The following KCNG3 variants were observed in gnomAD, a reference collection of about 807,000 sequenced individuals.
KCNG3 encodes the protein potassium voltage-gated channel modifier subfamily G member 3.
Under a neutral mutation model 29.0 loss-of-function variants are expected in KCNG3, and 15 were observed. The observed-to-expected ratio is 0.52, with a 90% confidence interval of 0.35 to 0.80. The LOEUF is 0.80. Among genes scored for constraint, KCNG3 ranks in the 30% least tolerant of loss-of-function variants. The pLI, the probability that KCNG3 is intolerant of heterozygous loss-of-function variation, is 0.01. For synonymous variants in KCNG3, 322 were observed against 248.9 expected, an observed-to-expected ratio of 1.29 and a Z score of -2.76; for missense variants, 512 against 605.7, an observed-to-expected ratio of 0.85 and a Z score of 1.62.
the KCNG3 span, among the ~76,000 whole-genome samples, chr2:42,397,564 T>A: frequency 2.6e-3 from 394 of 152,328 alleles, 2 homozygotes; most frequent in African/African-American, 9.0e-3. Flanking sequence ...AAGAGGCTTA[T>A]AAGGACTGAA....
intron 1 of KCNG3, among the ~76,000 whole-genome samples, chr2:42,453,197 G>A (rs1672804486): frequency 6.6e-6 from 1 of 152,196 alleles, no homozygotes; most frequent in Admixed American, 6.5e-5. Context: ...TTTCCTTTCT[G>A]TTGGGTATAC....
At position 42,479,799 on chromosome 2, in the gene KCNG3, C is replaced by T. The variant is rs528412328; in HGVS notation, c.665+13038G>A. ...GCCAAGGCGGGCAAATCACTTGAGG[C>T]CAGGAGTTCAAGACCTGCCTGGGCA... is the stretch of plus-strand genomic sequence containing the variant. On this transcript the variant is annotated intron_variant, in intron 1 of 1. Transcript: ENST00000306078. Among the ~76,000 whole-genome samples the T allele has an allele frequency of 2.6e-5, 4 of 152,222 alleles. No homozygotes were observed. The East Asian group carries it at 5.8e-4, about 22-fold the overall frequency.
At chr2:42,451,315 C>G (rs941350296) in intron 1 of KCNG3, among the ~76,000 whole-genome samples, 1 of 151,286 alleles carries the variant, frequency 6.6e-6, no homozygotes, top group African/African-American at 2.4e-5. Context: ...CAGTGACACA[C>G]ACCTGTAATC....
intron 1 of KCNG3, among the ~76,000 whole-genome samples, chr2:42,467,948 G>A (rs1217091051): frequency 6.6e-6 from 1 of 151,008 alleles, no homozygotes; most frequent in African/African-American, 2.4e-5. Context: ...ATCAGCCTGG[G>A]TGACAGAATG....
At chr2:42,480,378 T>C (rs1673551662) in intron 1 of KCNG3, among the ~76,000 whole-genome samples, 1 of 152,090 alleles carries the variant, frequency 6.6e-6, no homozygotes. Context: ...TGGTAAAGTG[T>C]TAAGTCCAGG....
At chr2:42,426,486 T>A in the KCNG3 span, among the ~76,000 whole-genome samples, 1 of 152,196 alleles carries the variant, frequency 6.6e-6, no homozygotes, top group Non-Finnish European at 1.5e-5. Flanking sequence ...CAGTTAACAG[T>A]AGTTATGTAT....
chr2:42,451,455 T>A (rs1558375718), intron 1 of KCNG3, among the ~76,000 whole-genome samples: 1 of 151,948 alleles, frequency 6.6e-6, no homozygotes, highest in Admixed American at 6.6e-5. Flanking sequence ...CCGGGCACAG[T>A]GGCTCACGCC....
the KCNG3 span, among the ~76,000 whole-genome samples, chr2:42,432,949 C>CA: frequency 8.2e-6 from 1 of 121,896 alleles, no homozygotes; most frequent in African/African-American, 3.1e-5. Context: ...AAAAAAAAAA[C>CA]AAAAAAACAA....
At chr2:42,421,601 C>G in the KCNG3 span, among the ~76,000 whole-genome samples, 3 of 152,206 alleles carry the variant, frequency 2.0e-5, no homozygotes, top group East Asian at 5.8e-4. Flanking sequence ...TTTTTCTGAT[C>G]ATATCAAAAT....
the KCNG3 span, among the ~76,000 whole-genome samples, chr2:42,422,909 C>T: frequency 6.6e-6 from 1 of 152,136 alleles, no homozygotes; most frequent in East Asian, 1.9e-4. Flanking sequence ...CCCCTTTCCT[C>T]CTCTTATCCA....
intron 1 of KCNG3, among the ~76,000 whole-genome samples, chr2:42,480,944 C>T (rs1323900837): frequency 1.3e-5 from 2 of 152,006 alleles, no homozygotes; most frequent in African/African-American, 4.8e-5. Context: ...TCACACCTGG[C>T]TAATTTTTCT....
the KCNG3 span, among the ~76,000 whole-genome samples, chr2:42,414,567 A>G: frequency 8.7e-6 from 1 of 115,024 alleles, no homozygotes; most frequent in African/African-American, 3.3e-5. Flanking sequence ...TTTTTTTTTT[A>G]TATTTGTGCA....
intron 1 of KCNG3, among the ~76,000 whole-genome samples, chr2:42,452,243 A>ATATTT: frequency 1.1e-5 from 1 of 95,040 alleles, no homozygotes; most frequent in African/African-American, 3.9e-5. Context: ...ATATATATAT[A>ATATTT]TTTTTTTTTT....
the KCNG3 span, among the ~76,000 whole-genome samples, chr2:42,401,713 C>G: frequency 1.3e-5 from 2 of 152,158 alleles, no homozygotes; most frequent in South Asian, 4.2e-4. Flanking sequence ...GCTGGGATTA[C>G]GGACGTGAGC....
chr2:42,459,197 C>T, intron 1 of KCNG3, among the ~76,000 whole-genome samples: 1 of 107,622 alleles, frequency 9.3e-6, no homozygotes, highest in East Asian at 2.2e-4. Context: ...ACTCCATCGT[C>T]TCAAAAAAAA....
At chr2:42,482,405 C>G (rs1367587272) in intron 1 of KCNG3, among the ~76,000 whole-genome samples, 1 of 152,154 alleles carries the variant, frequency 6.6e-6, no homozygotes, top group Non-Finnish European at 1.5e-5. Context: ...CAGAGAGACT[C>G]TGTCTCTACA....
chr2:42,398,128 C>G, the KCNG3 span, among the ~76,000 whole-genome samples: 1 of 151,816 alleles, frequency 6.6e-6, no homozygotes, highest in Non-Finnish European at 1.5e-5. Flanking sequence ...AAGGCTGAGG[C>G]GGAAGAATGG....
chr2:42,415,873 T>C, the KCNG3 span, among the ~76,000 whole-genome samples: 4 of 152,154 alleles, frequency 2.6e-5, no homozygotes, highest in South Asian at 2.1e-4. Flanking sequence ...TACTCATATG[T>C]GGAATCTATA....
intron 1 of KCNG3, among the ~76,000 whole-genome samples, chr2:42,474,370 A>C (rs879528993): frequency 6.6e-6 from 1 of 151,786 alleles, no homozygotes; most frequent in African/African-American, 2.4e-5. Context: ...TCTACTAAAA[A>C]TACAAAAATT....
Sources: allele counts gnomAD v4.1 joint callset (sites outside exome capture counted in the v4.1 genomes callset), GRCh38; gene constraint gnomAD v4.1.1; transcripts MANE v1.5; gene names NCBI Gene and HGNC (gene_info 2026-07-23, HGNC 2026-07-21).